The following SH3RF1 variants were observed in gnomAD, a reference collection of about 807,000 sequenced individuals.
SH3RF1 encodes E3 ubiquitin-protein ligase SH3RF1.
A neutral mutation model predicts 74.0 loss-of-function variants in SH3RF1; 32 were observed. That is an observed-to-expected ratio of 0.43 (90% confidence interval 0.33 to 0.58). The LOEUF (loss-of-function observed/expected upper bound fraction) is 0.58. Ranked by LOEUF, SH3RF1 falls within the 20% of genes least tolerant of loss-of-function variation. The pLI is 0.05. For missense variants in SH3RF1, 954 were observed against 1,130.9 expected (o/e 0.84, Z 2.24); for synonymous variants, 396 against 439.6 (o/e 0.90, Z 1.24).
intron 8 of SH3RF1, among the ~76,000 whole-genome samples, chr4:169,118,471 A>AT (rs1373640370): frequency 6.6e-6 from 1 of 151,682 alleles, no homozygotes; most frequent in Admixed American, 6.6e-5. Context: ...TAGTAGTAGT[A>AT]TTTTTTTTGA....
chr4:169,148,884 T>C (rs1442747454), intron 4 of SH3RF1, among the ~76,000 whole-genome samples: 2 of 152,174 alleles, frequency 1.3e-5, no homozygotes, highest in Non-Finnish European at 2.9e-5. Flanking sequence ...TTCCAGGGTA[T>C]GTTTTCCAGG....
chr4:169,270,151 G>A (rs1731422787), intron 1 of SH3RF1, among the ~76,000 whole-genome samples: 1 of 152,238 alleles, frequency 6.6e-6, no homozygotes, highest in African/African-American at 2.4e-5. Flanking sequence ...GAATGCCCAG[G>A]AGAACGGGAG....
intron 2 of SH3RF1, among the ~76,000 whole-genome samples, chr4:169,259,042 C>T (rs113167750): frequency 1.4e-4 from 21 of 152,212 alleles, no homozygotes; most frequent in African/African-American, 5.1e-4. Context: ...AGATATGAAG[C>T]ATCCTATAGC....
chr4:169,104,531 G>T (rs980852707), intron 11 of SH3RF1, among the ~76,000 whole-genome samples: 7 of 152,068 alleles, frequency 4.6e-5, no homozygotes, highest in Non-Finnish European at 1.0e-4. Context: ...ACTTTTTTAG[G>T]GTAATGGCTC....
intron 2 of SH3RF1, among the ~76,000 whole-genome samples, chr4:169,221,161 T>C (rs762384694): frequency 6.6e-6 from 1 of 152,198 alleles, no homozygotes; most frequent in African/African-American, 2.4e-5. Context: ...TAATCCTCAA[T>C]AGCATTAAGA....
chr4:169,246,409 G>A lies in SH3RF1; in HGVS notation c.393+22411C>T, dbSNP rs534576360. ...ATCACTGAAGTATCAAACTGAGCTA[G>A]GAGTATGTGCAACCCCGCTCATCTG... On this transcript the variant is annotated intron_variant, in intron 2 of 11. Coordinates refer to ENST00000284637, the MANE Select transcript of SH3RF1 (RefSeq NM_020870.4). 2.0e-5 allele frequency among the ~76,000 whole-genome samples: 3 copies of A among 152,316 alleles called. No individual in the cohort carries two copies. In the East Asian group the frequency reaches 5.8e-4, roughly 29 times the overall value.
chr4:169,146,475 G>A (rs1733896591), intron 4 of SH3RF1, among the ~76,000 whole-genome samples: 1 of 151,892 alleles, frequency 6.6e-6, no homozygotes, highest in Admixed American at 6.6e-5. Context: ...TGATCCACCT[G>A]CCTCAGCCTC....
intron 2 of SH3RF1, among the ~76,000 whole-genome samples, chr4:169,196,351 A>C (rs909349181): frequency 6.6e-6 from 1 of 152,226 alleles, no homozygotes; most frequent in African/African-American, 2.4e-5. Flanking sequence ...AAACACATTG[A>C]ACAAAACAAT....
At chr4:169,161,884 A>G (rs1311538593) in intron 2 of SH3RF1, among the ~76,000 whole-genome samples, 2 of 152,172 alleles carry the variant, frequency 1.3e-5, no homozygotes, top group South Asian at 2.1e-4. Flanking sequence ...ACAATTTTTT[A>G]AAAATATCTT....
At chr4:169,149,672 C>T (rs758700575) in intron 4 of SH3RF1, among the ~76,000 whole-genome samples, 5 of 152,144 alleles carry the variant, frequency 3.3e-5, no homozygotes, top group Admixed American at 6.6e-5. Flanking sequence ...CCAACTTACC[C>T]ACAATCTCCC....
chr4:169,189,686 C>A (rs1223225650), intron 2 of SH3RF1, among the ~76,000 whole-genome samples: 1 of 152,176 alleles, frequency 6.6e-6, no homozygotes, highest in Admixed American at 6.6e-5. Flanking sequence ...CAGGCGTGGG[C>A]TCCTATTTCT....
chr4:169,142,927 T>A (rs572173615), intron 4 of SH3RF1, among the ~76,000 whole-genome samples: 5 of 111,078 alleles, frequency 4.5e-5, no homozygotes, highest in African/African-American at 1.3e-4. Context: ...TGTTTTTGGA[T>A]GACCTAAATA....
At chr4:169,247,047 A>G (rs57728874) in intron 2 of SH3RF1, among the ~76,000 whole-genome samples, 6,913 of 152,322 alleles carry the variant, frequency 0.045, 327 homozygotes, top group Admixed American at 0.15. Flanking sequence ...CCATAAATCA[A>G]AAGCAGTTAA....
At chr4:169,257,825 CA>C (rs1731216917) in intron 2 of SH3RF1, among the ~76,000 whole-genome samples, 1 of 152,134 alleles carries the variant, frequency 6.6e-6, no homozygotes, top group Non-Finnish European at 1.5e-5. Context: ...GAGCTTAATC[CA>C]AAGTCAGGCT....
chr4:169,115,818 A>T (rs1194553437), intron 10 of SH3RF1, among the ~76,000 whole-genome samples: 1 of 152,162 alleles, frequency 6.6e-6, no homozygotes, highest in African/African-American at 2.4e-5. Flanking sequence ...AACACTTTTG[A>T]TCAACAGTTT....
intron 6 of SH3RF1, among the ~76,000 whole-genome samples, chr4:169,127,628 G>C (rs1162658399): frequency 6.6e-6 from 1 of 152,160 alleles, no homozygotes; most frequent in Admixed American, 6.5e-5. Flanking sequence ...TAGACATACT[G>C]TTTAATCAAC....
At chr4:169,157,704 T>C (rs1453833195) in intron 2 of SH3RF1, among the ~76,000 whole-genome samples, 2 of 152,162 alleles carry the variant, frequency 1.3e-5, no homozygotes, top group Non-Finnish European at 2.9e-5. Context: ...ATTTATTTAT[T>C]CACTCTTCCA....
At chr4:169,182,166 G>C (rs1281740367) in intron 2 of SH3RF1, among the ~76,000 whole-genome samples, 1 of 152,172 alleles carries the variant, frequency 6.6e-6, no homozygotes, top group Non-Finnish European at 1.5e-5. Context: ...GCCATACTTA[G>C]ACCACATATC....
At chr4:169,265,662 G>A (rs1208099461) in intron 2 of SH3RF1, among the ~76,000 whole-genome samples, 5 of 151,942 alleles carry the variant, frequency 3.3e-5, no homozygotes, top group Admixed American at 1.3e-4. Context: ...TAGTAAAGAC[G>A]GGGTTTCACC....
Sources: allele counts gnomAD v4.1 joint callset (sites outside exome capture counted in the v4.1 genomes callset), GRCh38; gene constraint gnomAD v4.1.1; transcripts MANE v1.5; gene names NCBI Gene and HGNC (gene_info 2026-07-23, HGNC 2026-07-21).